The following TG variants were observed in gnomAD, a reference collection of about 807,000 sequenced individuals.
TG encodes thyroid hormones.
A neutral mutation model predicts 324.7 loss-of-function variants in TG; 270 were observed. That is an observed-to-expected ratio of 0.83 (90% CI 0.75 to 0.92). The LOEUF is 0.92. Among genes scored for constraint, TG ranks in the 40% least tolerant of loss-of-function variants. TG has a pLI of 0.00. For synonymous variants in TG, 1,401 were observed against 1,327.0 expected (o/e 1.06, Z -1.21); for missense variants, 3,591 against 3,456.4 (o/e 1.04, Z -0.98).
In TG at chr8:133,007,790, G is replaced by A. The variant is rs1296732265; in HGVS notation, c.6263-4111G>A. On this transcript the variant is annotated intron_variant, in intron 35 of 47. Transcript: ENST00000220616. ...TTAGTTCTTTTTTTTTTTTTTTTAA[G>A]GAAAGTAGTGTCAAGGGAGCCTGGA... 2.7e-5 allele frequency among the ~76,000 whole-genome samples: 4 copies of A among 147,248 alleles called. No homozygotes were observed. The South Asian group carries it at 8.6e-4, about 32-fold the overall frequency.
At chr8:132,964,762 C>T in intron 29 of TG, 1 of 618,886 alleles carries the variant, frequency 1.6e-6, no homozygotes, top group Non-Finnish European at 2.9e-6. Context: ...CTTGGACATT[C>T]ACAGGCTAGT....
Position 133,026,306 on chromosome 8 carries a change from A to G in TG, c.7037-3515A>G, listed in dbSNP as rs144563378. ...TGTGAAAGAGACCAGAGGAAAACGAAAGCAGAAGCTCGTGCCAGTCCTGAG... is the reference window on the plus strand; with the variant it reads ...TGTGAAAGAGACCAGAGGAAAACGAGAGCAGAAGCTCGTGCCAGTCCTGAG... On this transcript the variant is annotated intron_variant, in intron 40 of 47. Transcript: ENST00000220616. Among the ~76,000 whole-genome samples the G allele has an allele frequency of 6.3e-3, 954 of 152,348 alleles. 1 individual carries two copies. Among genetic ancestry groups the G allele is most frequent in the Non-Finnish European group, 9.6e-3 (653 of 68,030 alleles).
rs1472014316 is a variant in TG, at chr8:132,963,094, C to G, written c.5548+20C>G. 6.2e-7 allele frequency: 1 copy of G among 1,612,616 alleles called. No homozygotes were observed. ...AAGCAGGTACTGACCCCCAAACCTT[C>G]TTACACACTTGGGTGTCTGAATGCA... On this transcript the variant is annotated intron_variant, in intron 29 of 47. Transcript: ENST00000220616.
rs530272451 is a variant in TG at position 133,133,533 on chromosome 8, C to A, written c.8061C>A (p.Asp2687Glu). Residue 2687 changes from aspartate to glutamate, a missense_variant, in exon 47 of 48, where the codon GAC becomes GAA. Physicochemically the swap from Asp to Glu is conservative, Grantham distance 45. Transcript: ENST00000220616. ...KVPTFATPWP[D>E]FVPRAGGENY... Reference sequence around the variant, plus strand: ...CCACATTTGCAACCCCCTGGCCTGACTTTGTACCCCGTGCTGGTGGAGAGA... The same window carrying A: ...CCACATTTGCAACCCCCTGGCCTGAATTTGTACCCCGTGCTGGTGGAGAGA... The A allele has an allele frequency of 6.8e-6, 11 of 1,614,108 alleles. No homozygotes were observed. The African/African-American group carries it at 1.5e-4, about 22-fold the overall frequency.
Position 133,017,998 on chromosome 8 carries a change from G to A in TG, c.6782+1G>A. On this transcript the variant is annotated splice_donor_variant, in intron 38 of 47. Coordinates refer to ENST00000220616, the MANE Select transcript of TG (RefSeq NM_003235.5). LOFTEE classifies it high-confidence loss of function. ...GCTCCTGGGATGCCAGCAAGCCAAGGTATGGGTTGAGTGGAGCACATCTTG... is the reference window on the plus strand; with the variant it reads ...GCTCCTGGGATGCCAGCAAGCCAAGATATGGGTTGAGTGGAGCACATCTTG... 6.2e-7 allele frequency: 1 copy of A among 1,614,022 alleles called. No homozygotes were observed. The highest frequency in any genetic ancestry group is 1.1e-5 in the South Asian group (1 of 91,072).
At chr8:132,957,503 T>C (rs1157877664) in intron 27 of TG, among the ~76,000 whole-genome samples, 6 of 152,058 alleles carry the variant, frequency 3.9e-5, no homozygotes, top group Admixed American at 6.6e-5. Flanking sequence ...TCTATAATTT[T>C]TGACATTATG....
At chr8:132,970,569 A>G (rs1234130509) in intron 32 of TG, among the ~76,000 whole-genome samples, 2 of 152,196 alleles carry the variant, frequency 1.3e-5, no homozygotes, top group Non-Finnish European at 2.9e-5. Flanking sequence ...TGACTGAATC[A>G]TGTTGCTGGT....
intron 41 of TG, among the ~76,000 whole-genome samples, chr8:133,058,027 C>T (rs774694480): frequency 5.3e-5 from 8 of 152,126 alleles, no homozygotes; most frequent in Non-Finnish European, 1.0e-4. Flanking sequence ...AGACCTGCAC[C>T]GTCTCCTAGG....
At chr8:132,904,248 A>G (rs1376225610) in intron 16 of TG, among the ~76,000 whole-genome samples, 11 of 152,226 alleles carry the variant, frequency 7.2e-5, no homozygotes. Context: ...GAAGACAGGC[A>G]GTGCTCACAA....
intron 39 of TG, among the ~76,000 whole-genome samples, chr8:133,020,913 G>A (rs1469082431): frequency 6.6e-6 from 1 of 152,196 alleles, no homozygotes; most frequent in South Asian, 2.1e-4. Context: ...AAACATCTGT[G>A]TGTCTGTCTG....
chr8:132,880,011 G>A (rs1266136208), intron 5 of TG, among the ~76,000 whole-genome samples: 3 of 152,194 alleles, frequency 2.0e-5, no homozygotes, highest in Admixed American at 2.0e-4. Context: ...AACCCACCTC[G>A]GGCCAGCACT....
At chr8:133,113,966 G>A (rs936967566) in intron 44 of TG, among the ~76,000 whole-genome samples, 49 of 152,174 alleles carry the variant, frequency 3.2e-4, no homozygotes, top group African/African-American at 1.1e-3. Flanking sequence ...AACCTTCCAC[G>A]CTCCTGGCCT....
Position 132,966,717 on chromosome 8 carries a change from A to C in TG, c.5686+20A>C. The C allele has an allele frequency of 6.2e-7, 1 of 1,613,672 alleles. No individual in the cohort carries two copies. Among genetic ancestry groups the C allele is most frequent in the Non-Finnish European group, 8.5e-7 (1 of 1,179,922 alleles). On this transcript the variant is annotated intron_variant, in intron 30 of 47. Coordinates refer to ENST00000220616, the MANE Select transcript of TG (RefSeq NM_003235.5). ...TTTCTCGTAAGTATCCTTAGAACTC[A>C]TTCTTCTTCTTCCAGACACTGTAGT...
Position 132,888,055 on chromosome 8 carries a change from A to G in TG, c.2248A>G (p.Ser750Gly). 6.2e-7 allele frequency: 1 copy of G among 1,614,160 alleles called. No individual in the cohort carries two copies. Among genetic ancestry groups the G allele is most frequent in the South Asian group, 1.1e-5 (1 of 91,078 alleles). ...RTVQALLSNS[S>G]MLPTLSDTYI... ...GGTGCAGGCCCTGCTCTCTAACTCC[A>G]GCATGCTACCCACCCTTTCCGACAC... Residue 750 changes from serine (S) to glycine (G), a missense_variant, in exon 10 of 48, where the codon AGC becomes GGC. By Grantham distance (56) the Ser-to-Gly change is moderately conservative (BLOSUM62 0). Coordinates refer to ENST00000220616, the MANE Select transcript of TG (RefSeq NM_003235.5).
In TG at chr8:132,898,787, C is replaced by T. The variant is rs367874685; in HGVS notation, c.3218-11C>T. The stretch of plus-strand genomic sequence containing the variant: ...CGACCAGTCCTTTACAAGCACCTCT[C>T]TCTCCCACAGGCCCGACAACCTGCG... On this transcript the variant is annotated splice_polypyrimidine_tract_variant and intron_variant, in intron 13 of 47. Coordinates refer to ENST00000220616, the MANE Select transcript of TG (RefSeq NM_003235.5). 1.2e-6 allele frequency: 2 copies of T among 1,613,306 alleles called. No individual in the cohort carries two copies. Among genetic ancestry groups the T allele is most frequent in the Admixed American group, 1.7e-5 (1 of 60,028 alleles).
chr8:132,881,200 A>G (rs1814595630), intron 5 of TG, among the ~76,000 whole-genome samples: 1 of 152,228 alleles, frequency 6.6e-6, no homozygotes, highest in Non-Finnish European at 1.5e-5. Flanking sequence ...TACTTCTAAG[A>G]AAGGGAACCC....
Position 133,017,988 on chromosome 8 carries a change from GC to G in TG, c.6774del (p.Ser2258ArgfsTer86). The G allele has an allele frequency of 1.2e-6, 2 of 1,614,134 alleles. No homozygotes were observed. The highest frequency in any genetic ancestry group is 1.7e-6 in the Non-Finnish European group (2 of 1,180,010). Reference sequence around the variant, plus strand: ...AACTGGACAGGCTCCTGGGATGCCAGCAAGCCAAGGTATGGGTTGAGTGGAG... The same window carrying G: ...AACTGGACAGGCTCCTGGGATGCCAGAAGCCAAGGTATGGGTTGAGTGGAG... ...PLNWTGSWDA[S>X]KPRASCWQPG... On this transcript the variant is annotated frameshift_variant, in exon 38 of 48. Coordinates refer to ENST00000220616, the MANE Select transcript of TG (RefSeq NM_003235.5). LOFTEE classifies it high-confidence loss of function.
intron 34 of TG, among the ~76,000 whole-genome samples, chr8:132,977,579 C>T (rs564178964): frequency 3.3e-5 from 5 of 152,066 alleles, no homozygotes; most frequent in African/African-American, 1.2e-4. Context: ...ACAATCGTGA[C>T]GGAAGGCAAG....
In TG at chr8:133,022,145, G is replaced by A. The variant is rs114331060; in HGVS notation, c.7031G>A (p.Ser2344Asn). ...SYRVGVFGFL[S>N]SGSGEVSGNW... ...CGAGTGGGTGTCTTCGGCTTCCTGA[G>A]TTCTGGTGAGTTGCTGCCTCTGGTG... The change falls in exon 40 of 48, where the codon AGT becomes AAT. Residue 2344 changes from serine (S) to asparagine (N), a missense_variant. Coordinates refer to ENST00000220616, the MANE Select transcript of TG (RefSeq NM_003235.5). The A allele has an allele frequency of 6.8e-6, 11 of 1,614,074 alleles. No homozygotes were observed. The highest frequency in any genetic ancestry group is 6.7e-5 in the African/African-American group (5 of 75,016).
Sources: gnomAD v4.1 joint callset for allele counts (sites outside exome capture counted in the v4.1 genomes callset) on GRCh38, gnomAD v4.1.1 for gene constraint, MANE v1.5 for transcripts, NCBI Gene and HGNC (gene_info 2026-07-23, HGNC 2026-07-21) for gene names.